The following DESI2 variants were observed in gnomAD, a reference collection of about 807,000 sequenced individuals.
The protein encoded by DESI2 is desumoylating isopeptidase 2.
DESI2 carries 10 observed loss-of-function variants against 24.1 expected under a neutral mutation model. The observed-to-expected ratio is 0.41, with a 90% CI of 0.26 to 0.70. The LOEUF (loss-of-function observed/expected upper bound fraction) is 0.70. DESI2 is among the 30% of genes least tolerant of loss of function. DESI2 has a pLI of 0.29. For missense variants in DESI2, 122 were observed against 234.9 expected, an observed-to-expected ratio of 0.52 and a Z score of 3.14; for synonymous variants, 71 against 87.7, an observed-to-expected ratio of 0.81 and a Z score of 1.06.
chr1:244,689,678 T>A lies in DESI2; in HGVS notation c.209+336T>A, dbSNP rs1676953251. The stretch of plus-strand genomic sequence containing the variant: ...GCGTGCACCACGACGTCCGGCTAAT[T>A]TTTGTATTTTTAGTAGAGATGGAGT... On this transcript the variant is annotated intron_variant, in intron 3 of 4. Transcript: ENST00000302550. This position sits in a 1 kb window ranked among gnomAD's most constrained non-coding sequence, Gnocchi z 4.0. Among the ~76,000 whole-genome samples, 1 of 151,956 alleles carries A rather than the reference T, an allele frequency of 6.6e-6. No individual in the cohort carries two copies. Among genetic ancestry groups the A allele is most frequent in the Non-Finnish European group, 1.5e-5 (1 of 67,982 alleles).
chr1:244,691,662 G>C (rs1289731242), intron 3 of DESI2, among the ~76,000 whole-genome samples: 7 of 152,148 alleles, frequency 4.6e-5, no homozygotes, highest in African/African-American at 1.7e-4. Flanking sequence ...GTATTCATAG[G>C]TAATATACTT....
chr1:244,683,555 CCCA>C (rs1676704565), intron 1 of DESI2, among the ~76,000 whole-genome samples: 1 of 152,168 alleles, frequency 6.6e-6, no homozygotes, highest in Non-Finnish European at 1.5e-5. Flanking sequence ...TTGTGATCCG[CCCA>C]CCTCAGCCTC....
chr1:244,682,837 T>C (rs1676666264), intron 1 of DESI2, among the ~76,000 whole-genome samples: 1 of 145,918 alleles, frequency 6.9e-6, no homozygotes, highest in Admixed American at 6.9e-5. Context: ...TACAAAAGCA[T>C]GTATATAGTG....
chr1:244,654,095 G>T, intron 1 of DESI2: 1 of 459,534 alleles, frequency 2.2e-6, no homozygotes. Flanking sequence ...ATCTAACTTT[G>T]GAGTATGGCA....
chr1:244,657,623 G>A (rs1486982035), intron 1 of DESI2, among the ~76,000 whole-genome samples: 1 of 152,220 alleles, frequency 6.6e-6, no homozygotes, highest in East Asian at 1.9e-4. Context: ...GAGATAAACA[G>A]GCCCTGGATT....
intron 1 of DESI2, among the ~76,000 whole-genome samples, chr1:244,665,391 A>T (rs1676006670): frequency 6.6e-6 from 1 of 152,030 alleles, no homozygotes. Context: ...CATAACCCAG[A>T]AATATGCTGA....
chr1:244,655,591 G>T (rs1259456108), intron 1 of DESI2, among the ~76,000 whole-genome samples: 1 of 152,126 alleles, frequency 6.6e-6, no homozygotes, highest in African/African-American at 2.4e-5. Flanking sequence ...CACAACAGTG[G>T]CAACAATTCA....
intron 1 of DESI2, among the ~76,000 whole-genome samples, chr1:244,685,323 A>G (rs904395976): frequency 2.6e-5 from 4 of 152,172 alleles, no homozygotes; most frequent in African/African-American, 9.7e-5. Flanking sequence ...AAATTTATGC[A>G]TAATCAATTT....
chr1:244,683,776 A>G (rs1676717902), intron 1 of DESI2, among the ~76,000 whole-genome samples: 1 of 151,572 alleles, frequency 6.6e-6, no homozygotes, highest in Admixed American at 6.6e-5. Context: ...GCTGGAGTGC[A>G]GTGGTGTGAT....
chr1:244,666,520 A>G (rs1430054626), intron 1 of DESI2, among the ~76,000 whole-genome samples: 2 of 152,186 alleles, frequency 1.3e-5, no homozygotes, highest in Non-Finnish European at 2.9e-5. Context: ...TTAACCATCA[A>G]CCATATTGTA....
At chr1:244,676,209 T>G (rs1456356064) in intron 1 of DESI2, among the ~76,000 whole-genome samples, 1 of 151,994 alleles carries the variant, frequency 6.6e-6, no homozygotes, top group Non-Finnish European at 1.5e-5. Flanking sequence ...CCCGAGCAGC[T>G]GAAACTACAG....
At chr1:244,697,771 GA>G (rs1005511255) in intron 4 of DESI2, among the ~76,000 whole-genome samples, 3 of 152,066 alleles carry the variant, frequency 2.0e-5, no homozygotes. Context: ...CCGGAAGAAA[GA>G]AAAAAGGCCC....
rs1325972242 is a variant in DESI2 at position 244,705,819 on chromosome 1, T to C, written c.*30T>C. On this transcript the variant is annotated 3_prime_UTR_variant, in exon 5 of 5. Coordinates refer to ENST00000302550, the MANE Select transcript of DESI2 (RefSeq NM_016076.5). The stretch of plus-strand genomic sequence containing the variant: ...CTCCAAAGTCACACATTCAGAACTG[T>C]CTCTGGCAGTCGAATATCACTAGAG... 1.3e-6 allele frequency: 2 copies of C among 1,496,692 alleles called. No individual in the cohort carries two copies. The highest frequency in any genetic ancestry group is 3.5e-5 in the Admixed American group (2 of 56,834). 92.7% of individuals were successfully genotyped at this position (1,496,692 alleles called of 1,614,324 possible).
At chr1:244,700,374 G>A (rs1049108458) in intron 4 of DESI2, among the ~76,000 whole-genome samples, 1 of 152,118 alleles carries the variant, frequency 6.6e-6, no homozygotes, top group Admixed American at 6.6e-5. Context: ...TTTCGGATCA[G>A]TGTAATGACT....
chr1:244,677,130 G>A (rs554980170), intron 1 of DESI2, among the ~76,000 whole-genome samples: 1 of 152,052 alleles, frequency 6.6e-6, no homozygotes, highest in South Asian at 2.1e-4. Context: ...AGCTTCTGAA[G>A]AATTGGTATT....
At chr1:244,680,036 T>A (rs58722942) in intron 1 of DESI2, among the ~76,000 whole-genome samples, 11,283 of 142,312 alleles carry the variant, frequency 0.079, 519 homozygotes, top group African/African-American at 0.12. Flanking sequence ...TTTTTTTTTT[T>A]AAACAAAAAA....
chr1:244,664,175 GA>G (rs1675961130), intron 1 of DESI2, among the ~76,000 whole-genome samples: 1 of 152,086 alleles, frequency 6.6e-6, no homozygotes, highest in African/African-American at 2.4e-5. Context: ...ACTCTTTGAA[GA>G]GAACAAGCAT....
intron 1 of DESI2, among the ~76,000 whole-genome samples, chr1:244,661,859 G>T (rs1195530246): frequency 3.3e-5 from 5 of 152,120 alleles, no homozygotes; most frequent in African/African-American, 7.2e-5. Flanking sequence ...GAATAGTGCC[G>T]CAGTAAACAT....
chr1:244,661,986 C>T (rs918495203), intron 1 of DESI2, among the ~76,000 whole-genome samples: 3 of 152,220 alleles, frequency 2.0e-5, no homozygotes, highest in Non-Finnish European at 2.9e-5. Context: ...AATTGCCACA[C>T]TGACTTCCAC....
Sources: gnomAD v4.1 joint callset for allele counts (sites outside exome capture counted in the v4.1 genomes callset) on GRCh38, gnomAD v4.1.1 for gene constraint, Gnocchi (gnomAD v3.1) non-coding constraint, MANE v1.5 for transcripts, NCBI Gene and HGNC (gene_info 2026-07-23, HGNC 2026-07-21) for gene names.